Variants in CDH18 observed in about 807,000 individuals in gnomAD.
The protein encoded by CDH18 is cadherin 18.
In CDH18, 31 loss-of-function variants were observed where a neutral mutation model predicts 67.9. That is an observed-to-expected ratio of 0.46 (90% confidence interval 0.34 to 0.62). The LOEUF (loss-of-function observed/expected upper bound fraction) is 0.62, where lower values mean the gene tolerates loss of function less well. Ranked by LOEUF, CDH18 falls within the 20% of genes least tolerant of loss-of-function variation. The probability of loss-of-function intolerance (pLI) is 0.01; values close to 1 mark genes in which losing one functional copy is unlikely to be tolerated. For synonymous variants in CDH18, 362 were observed against 347.2 expected (o/e 1.04, Z -0.48); for missense variants, 890 against 975.5 (o/e 0.91, Z 1.17).
intron 1 of CDH18, among the ~76,000 whole-genome samples, chr5:20,574,733 A>G (rs1759022297): frequency 1.3e-5 from 2 of 152,108 alleles, no homozygotes; most frequent in African/African-American, 4.8e-5. Flanking sequence ...CGAAGTTCCC[A>G]TATATTCACA....
intron 1 of CDH18, among the ~76,000 whole-genome samples, chr5:20,279,806 A>AGAT (rs924221181): frequency 2.0e-5 from 3 of 151,330 alleles, no homozygotes; most frequent in African/African-American, 2.4e-5. Flanking sequence ...AGGATTGGAC[A>AGAT]GATCATCCAG....
At chr5:19,824,727 A>G (rs1334570463) in intron 3 of CDH18, among the ~76,000 whole-genome samples, 4 of 152,134 alleles carry the variant, frequency 2.6e-5, no homozygotes, top group African/African-American at 9.7e-5. Context: ...CTTCTGTGTG[A>G]ACTCAGCCAA....
At chr5:20,372,521 AT>A (rs1261277823) in intron 1 of CDH18, among the ~76,000 whole-genome samples, 3 of 152,158 alleles carry the variant, frequency 2.0e-5, no homozygotes, top group Non-Finnish European at 4.4e-5. Context: ...GATTAAAAAA[AT>A]AAACGAAATT....
chr5:19,591,255 T>C lies in CDH18; in HGVS notation c.812-11A>G. 6.5e-7 allele frequency: 1 copy of C among 1,546,436 alleles called. No homozygotes were observed. Among genetic ancestry groups the C allele is most frequent in the Non-Finnish European group, 8.7e-7 (1 of 1,143,974 alleles). On this transcript the variant is annotated splice_polypyrimidine_tract_variant and intron_variant, in intron 6 of 12. Coordinates refer to ENST00000382275, the MANE Select transcript of CDH18 (RefSeq NM_004934.5). ...ATAGCTGATAGTGTTCTGGAAGACA[T>C]TTCATATTAAACATATTTAAATACA...
chr5:19,726,716 AT>A (rs1766894642), intron 4 of CDH18, among the ~76,000 whole-genome samples: 1 of 152,130 alleles, frequency 6.6e-6, no homozygotes, highest in South Asian at 2.1e-4. Context: ...AAGACTTGGT[AT>A]TTTCAGTAAT....
intron 1 of CDH18, among the ~76,000 whole-genome samples, chr5:20,298,041 C>T (rs1057180151): frequency 3.3e-5 from 5 of 152,022 alleles, no homozygotes; most frequent in African/African-American, 1.2e-4. Flanking sequence ...ACTAACTAGC[C>T]GTAAGACTTT....
chr5:20,154,627 T>C (rs1433730893), intron 2 of CDH18, among the ~76,000 whole-genome samples: 1 of 152,146 alleles, frequency 6.6e-6, no homozygotes, highest in Non-Finnish European at 1.5e-5. Flanking sequence ...TCAGTCTCTG[T>C]GCCATTCTTT....
At chr5:20,571,919 C>T (rs376096835) in intron 1 of CDH18, among the ~76,000 whole-genome samples, 6 of 152,184 alleles carry the variant, frequency 3.9e-5, no homozygotes, top group South Asian at 4.1e-4. Context: ...TTAAATGCTG[C>T]GTAACCCCTA....
intron 1 of CDH18, among the ~76,000 whole-genome samples, chr5:20,518,167 G>A (rs1755494538): frequency 6.6e-6 from 1 of 151,890 alleles, no homozygotes; most frequent in Non-Finnish European, 1.5e-5. Context: ...ACTCTACCTG[G>A]GAAAATCAAT....
intron 2 of CDH18, among the ~76,000 whole-genome samples, chr5:20,248,460 T>A (rs1333316859): frequency 1.3e-5 from 2 of 152,126 alleles, no homozygotes; most frequent in Non-Finnish European, 2.9e-5. Flanking sequence ...CAAGCACAAA[T>A]TCTCCTTGCC....
intron 5 of CDH18, among the ~76,000 whole-genome samples, chr5:19,707,395 G>A (rs146757385): frequency 0.038 from 5,822 of 152,264 alleles, 264 homozygotes; most frequent in East Asian, 0.25. Flanking sequence ...AACAAGGGCT[G>A]ACACAGAGAA....
chr5:19,503,230 A>AT (rs143401607), intron 10 of CDH18, 121 bp from the exon 11 acceptor site: 113,516 of 596,730 alleles, frequency 0.19, 12,054 homozygotes, highest in African/African-American at 0.27. Flanking sequence ...AACTTGAGTT[A>AT]TTTTTCAAAT....
chr5:20,031,277 T>C (rs1325819619), intron 2 of CDH18, among the ~76,000 whole-genome samples: 2 of 152,110 alleles, frequency 1.3e-5, no homozygotes, highest in African/African-American at 4.8e-5. Context: ...CAGGATTCTT[T>C]AGCATATACT....
At chr5:19,835,769 G>A (rs75074287) in intron 3 of CDH18, among the ~76,000 whole-genome samples, 1,587 of 152,156 alleles carry the variant, frequency 0.01, 15 homozygotes, top group Non-Finnish European at 0.014. Flanking sequence ...GACTATGAGC[G>A]AGGTGTCCCT....
chr5:20,265,501 G>C (rs1450455157), intron 1 of CDH18, among the ~76,000 whole-genome samples: 1 of 151,728 alleles, frequency 6.6e-6, no homozygotes, highest in Admixed American at 6.6e-5. Context: ...TGAATGCCCA[G>C]GAATATAAGG....
chr5:20,481,317 G>A (rs945328947), intron 1 of CDH18, among the ~76,000 whole-genome samples: 6 of 151,946 alleles, frequency 3.9e-5, no homozygotes, highest in Middle Eastern at 3.4e-3. Flanking sequence ...CAAAATCCGA[G>A]GACTCAGATA....
chr5:20,067,263 A>G (rs1743060303), intron 2 of CDH18, among the ~76,000 whole-genome samples: 1 of 151,414 alleles, frequency 6.6e-6, no homozygotes, highest in Non-Finnish European at 1.5e-5. Context: ...AGTATTTTAG[A>G]CCAGTTTTTT....
At chr5:19,541,322 G>A (rs1750236468) in intron 9 of CDH18, among the ~76,000 whole-genome samples, 1 of 150,838 alleles carries the variant, frequency 6.6e-6, no homozygotes, top group South Asian at 2.1e-4. Context: ...AGCACTCCAA[G>A]TCTCCAGGAT....
At chr5:20,035,166 G>A (rs532772268) in intron 2 of CDH18, among the ~76,000 whole-genome samples, 9 of 152,086 alleles carry the variant, frequency 5.9e-5, no homozygotes, top group African/African-American at 2.2e-4. Flanking sequence ...GACACATAGT[G>A]TTAGTGAGGA....
Sources: gnomAD v4.1 joint callset for allele counts (sites outside exome capture counted in the v4.1 genomes callset) on GRCh38, gnomAD v4.1.1 for gene constraint, MANE v1.5 for transcripts, NCBI Gene and HGNC (gene_info 2026-07-23, HGNC 2026-07-21) for gene names.